TNRC6A: variants seen among roughly 807,000 people sequenced by gnomAD.
TNRC6A encodes the protein trinucleotide repeat containing adaptor 6A.
A neutral mutation model predicts 221.2 loss-of-function variants in TNRC6A; 44 were observed. The ratio of observed to expected loss-of-function variants is 0.20; its 90% CI spans 0.16 to 0.26. The LOEUF is 0.26. Among genes scored for constraint, TNRC6A ranks in the 10% least tolerant of loss-of-function variants. The probability of loss-of-function intolerance (pLI) is 1.00; values close to 1 mark genes in which losing one functional copy is unlikely to be tolerated. For synonymous variants in TNRC6A, 847 were observed against 838.5 expected (o/e 1.01, Z -0.18); for missense variants, 2,199 against 2,404.4 (o/e 0.91, Z 1.79).
intron 1 of TNRC6A, among the ~76,000 whole-genome samples, chr16:24,630,562 C>G (rs1007783495): frequency 4.6e-5 from 7 of 152,168 alleles, no homozygotes; most frequent in Non-Finnish European, 8.8e-5. Context: ...CCTTCTCCCT[C>G]TAGCTACTAC....
At chr16:24,721,670 G>A (rs1251993937) in intron 2 of TNRC6A, among the ~76,000 whole-genome samples, 6 of 152,180 alleles carry the variant, frequency 3.9e-5, no homozygotes, top group Non-Finnish European at 8.8e-5. Flanking sequence ...AGCCCGGCCT[G>A]GTGGTGCATG....
intron 1 of TNRC6A, among the ~76,000 whole-genome samples, chr16:24,636,395 G>C (rs1901638138): frequency 6.7e-6 from 1 of 149,188 alleles, no homozygotes; most frequent in African/African-American, 2.5e-5. Flanking sequence ...TTTTGAGACA[G>C]GATCTTGCTC....
intron 2 of TNRC6A, among the ~76,000 whole-genome samples, chr16:24,718,900 G>A (rs1229596849): frequency 6.6e-6 from 1 of 151,906 alleles, no homozygotes; most frequent in Non-Finnish European, 1.5e-5. Context: ...AGCCGGGCAT[G>A]GTGGTGGGTG....
At chr16:24,643,094 T>A (rs1332198914) in intron 2 of TNRC6A, among the ~76,000 whole-genome samples, 3 of 135,830 alleles carry the variant, frequency 2.2e-5, no homozygotes, top group South Asian at 2.2e-4. Context: ...TATATATATT[T>A]TATATATATA....
upstream of TNRC6A, among the ~76,000 whole-genome samples, chr16:24,727,025 CTTTTTT>C (rs371206942): frequency 7.2e-6 from 1 of 138,712 alleles, no homozygotes. Flanking sequence ...GAAATCACAT[CTTTTTT>C]TTTTTTTTTT....
At chr16:24,740,881 G>C (rs1487219308) in intron 2 of TNRC6A, among the ~76,000 whole-genome samples, 1 of 152,140 alleles carries the variant, frequency 6.6e-6, no homozygotes, top group Non-Finnish European at 1.5e-5. Context: ...CCTCATTAGT[G>C]GAGTCATAGA....
intron 2 of TNRC6A, chr16:24,664,804 CACACACACAA>C (rs1383289770): frequency 2.3e-6 from 1 of 438,264 alleles, no homozygotes; most frequent in East Asian, 7.7e-5. Flanking sequence ...CACACACACA[CACACACACAA>C]AACCTATAAG....
chr16:24,713,446 AAACAAAAAAAT>A (rs1347341042), intron 2 of TNRC6A, among the ~76,000 whole-genome samples: 7 of 79,392 alleles, frequency 8.8e-5, no homozygotes, highest in Non-Finnish European at 1.8e-4. Flanking sequence ...ACAAACAAAC[AAACAAAAAAAT>A]ATATATATAT....
intron 11 of TNRC6A, among the ~76,000 whole-genome samples, chr16:24,803,293 C>T (rs373122382): frequency 6.6e-6 from 1 of 151,756 alleles, no homozygotes; most frequent in African/African-American, 2.4e-5. Context: ...GTGGTGGGTG[C>T]CTGTAATCCC....
At chr16:24,688,623 G>C (rs534495060) in intron 2 of TNRC6A, among the ~76,000 whole-genome samples, 1 of 152,322 alleles carries the variant, frequency 6.6e-6, no homozygotes, top group South Asian at 2.1e-4. Context: ...GTCCAGTGAG[G>C]TCCAGAGGGA....
chr16:24,643,239 A>AGAAG (rs1567319685), intron 2 of TNRC6A, among the ~76,000 whole-genome samples: 1 of 150,692 alleles, frequency 6.6e-6, no homozygotes, highest in African/African-American at 2.4e-5. Context: ...TGCCCCATGC[A>AGAAG]GAAGGAAGGA....
chr16:24,696,362 A>G lies in TNRC6A; in HGVS notation n.403-54364A>G, dbSNP rs1366176212. 2.6e-5 allele frequency among the ~76,000 whole-genome samples: 4 copies of G among 151,040 alleles called. 1 individual carries two copies. The Admixed American group carries it at 2.7e-4, about 10-fold the overall frequency. ...GACTCCATCTCAAAAAAAAAAAAAA[A>G]AAAAAGAAAGTATGAGAACTCCCTG... is the stretch of plus-strand genomic sequence containing the variant. On this transcript the variant is annotated intron_variant and non_coding_transcript_variant, in intron 2 of 2. Transcript: ENST00000566108.
intron 2 of TNRC6A, among the ~76,000 whole-genome samples, chr16:24,709,924 A>C (rs1017944628): frequency 6.6e-6 from 1 of 151,946 alleles, no homozygotes; most frequent in Admixed American, 6.6e-5. Context: ...AAAGGTATAA[A>C]TTTTTTTTAA....
At chr16:24,793,417 C>A in intron 6 of TNRC6A, 56 bp from the exon 7 acceptor site, 2 of 1,301,948 alleles carry the variant, frequency 1.5e-6, no homozygotes, top group Non-Finnish European at 2.0e-6. Flanking sequence ...GTCCCTTATT[C>A]CACTGCACCT....
At chr16:24,729,180 G>A (rs1429502276), upstream of TNRC6A, among the ~76,000 whole-genome samples, 1 of 151,896 alleles carries the variant, frequency 6.6e-6, no homozygotes, top group African/African-American at 2.4e-5. Context: ...ACCTGAGGAG[G>A]AACAGAGAAG....
At chr16:24,627,282 CT>C (rs1415784609) in intron 1 of TNRC6A, among the ~76,000 whole-genome samples, 1 of 152,056 alleles carries the variant, frequency 6.6e-6, no homozygotes, top group Non-Finnish European at 1.5e-5. Context: ...TTCGGAGGCC[CT>C]ATTAAGAAAG....
At chr16:24,812,877 C>CTTTTT (rs71383720) in intron 18 of TNRC6A, among the ~76,000 whole-genome samples, 901 of 74,988 alleles carry the variant, frequency 0.012, 27 homozygotes, top group Middle Eastern at 0.021. Flanking sequence ...ACCTCTTGGG[C>CTTTTT]TTTTTTTTTT....
chr16:24,725,624 T>C (rs2056478135), upstream of TNRC6A, among the ~76,000 whole-genome samples: 1 of 152,116 alleles, frequency 6.6e-6, no homozygotes. Context: ...TGTGTTCCTT[T>C]GTTTTACACT....
chr16:24,741,853 G>T (rs914645543), intron 2 of TNRC6A, among the ~76,000 whole-genome samples: 1 of 151,964 alleles, frequency 6.6e-6, no homozygotes, highest in African/African-American at 2.4e-5. Flanking sequence ...TTTATTTTTT[G>T]GGGGACATGG....
Sources: allele counts gnomAD v4.1 joint callset (sites outside exome capture counted in the v4.1 genomes callset), GRCh38; gene constraint gnomAD v4.1.1; transcripts MANE v1.5; gene names NCBI Gene and HGNC (gene_info 2026-07-23, HGNC 2026-07-21).